The following MAPK8 variants were observed in gnomAD, a reference collection of about 807,000 sequenced individuals.
MAPK8 encodes mitogen-activated protein kinase 8, also known as JUN N-terminal kinase.
MAPK8 carries 13 observed loss-of-function variants against 52.9 expected under a neutral mutation model. That is an observed-to-expected ratio of 0.25 (90% CI 0.16 to 0.39). The LOEUF (loss-of-function observed/expected upper bound fraction) is 0.39. MAPK8 is among the 10% of genes least tolerant of loss of function. MAPK8 has a pLI of 1.00. For missense variants in MAPK8, 300 were observed against 519.2 expected (o/e 0.58, Z 4.10); for synonymous variants, 191 against 169.8 (o/e 1.12, Z -0.97).
At chr10:48,433,494 C>A (rs760310670) in intron 11 of MAPK8, among the ~76,000 whole-genome samples, 1 of 152,122 alleles carries the variant, frequency 6.6e-6, no homozygotes, top group Non-Finnish European at 1.5e-5. Context: ...TTCACTCTGA[C>A]TGGGAAGCTA....
At chr10:48,368,262 A>G (rs554560277) in intron 1 of MAPK8, among the ~76,000 whole-genome samples, 1 of 152,220 alleles carries the variant, frequency 6.6e-6, no homozygotes, top group Non-Finnish European at 1.5e-5. Flanking sequence ...AATGGGAAGC[A>G]CAGACATTTC....
chr10:48,385,072 T>C (rs535930753), intron 1 of MAPK8, among the ~76,000 whole-genome samples: 258 of 152,334 alleles, frequency 1.7e-3, no homozygotes, highest in Non-Finnish European at 2.9e-3. Context: ...ACATTGGTTA[T>C]TTATTGTCTA....
intron 1 of MAPK8, among the ~76,000 whole-genome samples, chr10:48,338,188 T>C: frequency 6.6e-6 from 1 of 152,046 alleles, no homozygotes; most frequent in East Asian, 1.9e-4. Context: ...CTGATGAAGA[T>C]AGAGGCAAAA....
chr10:48,323,727 G>A (rs1843208069), intron 1 of MAPK8, among the ~76,000 whole-genome samples: 1 of 152,054 alleles, frequency 6.6e-6, no homozygotes, highest in East Asian at 1.9e-4. Context: ...ATCTTTAATA[G>A]CCCCTTCTTC....
At chr10:48,340,582 A>G (rs1166836503) in intron 1 of MAPK8, among the ~76,000 whole-genome samples, 4 of 152,210 alleles carry the variant, frequency 2.6e-5, no homozygotes, top group African/African-American at 7.2e-5. Flanking sequence ...TATAATTTTC[A>G]CTATAAAACA....
At chr10:48,385,768 G>T (rs2041276349) in intron 1 of MAPK8, among the ~76,000 whole-genome samples, 2 of 152,004 alleles carry the variant, frequency 1.3e-5, no homozygotes, top group South Asian at 4.1e-4. Flanking sequence ...CTTCAACTTA[G>T]ATTTGTCATA....
chr10:48,424,228 G>T, intron 7 of MAPK8, 69 bp downstream of exon 7: 10 of 1,352,052 alleles, frequency 7.4e-6, no homozygotes, highest in Non-Finnish European at 9.5e-6. Context: ...TAATGAAAAT[G>T]AATATGCTAC....
chr10:48,421,737 G>GCC (rs2043368089), intron 6 of MAPK8, among the ~76,000 whole-genome samples: 1 of 152,074 alleles, frequency 6.6e-6, no homozygotes, highest in African/African-American at 2.4e-5. Flanking sequence ...CCGGGAGGTG[G>GCC]AGGTTACAGT....
intron 1 of MAPK8, among the ~76,000 whole-genome samples, chr10:48,370,028 T>A (rs1303080121): frequency 6.6e-6 from 1 of 152,182 alleles, no homozygotes; most frequent in Non-Finnish European, 1.5e-5. Context: ...AAGGTTTTTA[T>A]GTATTTTTTA....
chr10:48,434,774 CT>C (rs2044707353), intron 11 of MAPK8, 109 bp from the exon 12 acceptor site: 1 of 905,556 alleles, frequency 1.1e-6, no homozygotes, highest in Non-Finnish European at 1.6e-6. Context: ...TTTAGTGAGC[CT>C]TCGAAACCCA....
rs1194010317 is a variant in MAPK8 at position 48,306,804 on chromosome 10, C to G, written c.-67C>G. On this transcript the variant is annotated 5_prime_UTR_variant, in exon 1 of 12. Coordinates refer to ENST00000374189, the MANE Select transcript of MAPK8 (RefSeq NM_001323329.2). ...CCCCGCTGGCGGGCTTCCCTGTCGC[C>G]GTTCGCTGCGCTGCCGGGTGAGTGC... The G allele has an allele frequency of 6.6e-6, 1 of 151,496 alleles. No homozygotes were observed. The allele number at this position is 151,496 out of a possible 1,614,324, so 9.4% of individuals were successfully genotyped here. A position where few individuals can be genotyped will look rare whatever the true frequency, so the allele number is the denominator to read the frequency against.
intron 10 of MAPK8, 173 bp from the exon 11 acceptor site, chr10:48,431,020 A>G: frequency 1.6e-6 from 1 of 636,842 alleles, no homozygotes; most frequent in Non-Finnish European, 2.8e-6. Flanking sequence ...AGTGTCAAGG[A>G]ATTGTTATTA....
intron 1 of MAPK8, among the ~76,000 whole-genome samples, chr10:48,311,285 C>T (rs1841962424): frequency 6.6e-6 from 1 of 152,182 alleles, no homozygotes; most frequent in South Asian, 2.1e-4. Context: ...CATTCTAATT[C>T]TCCAGAATAT....
At chr10:48,408,603 T>C (rs763839141) in intron 3 of MAPK8, among the ~76,000 whole-genome samples, 5 of 152,348 alleles carry the variant, frequency 3.3e-5, no homozygotes, top group South Asian at 4.1e-4. Flanking sequence ...TTTCAGAATA[T>C]ATTTGTTGGC....
chr10:48,399,569 G>A (rs1173480850), intron 1 of MAPK8, among the ~76,000 whole-genome samples: 2 of 152,194 alleles, frequency 1.3e-5, no homozygotes, highest in Non-Finnish European at 2.9e-5. Flanking sequence ...ACAGAAAGGA[G>A]CTTTTCCTTG....
chr10:48,423,645 AATT>A (rs2043496308), intron 6 of MAPK8, among the ~76,000 whole-genome samples: 1 of 152,156 alleles, frequency 6.6e-6, no homozygotes, highest in African/African-American at 2.4e-5. Flanking sequence ...TAATATGCTG[AATT>A]ATTTTCTCAT....
At chr10:48,378,827 A>G (rs995245704) in intron 1 of MAPK8, among the ~76,000 whole-genome samples, 6 of 152,226 alleles carry the variant, frequency 3.9e-5, no homozygotes, top group South Asian at 4.1e-4. Flanking sequence ...GTGCAGTGGC[A>G]TGATTATAGC....
chr10:48,359,033 A>G (rs1847276387), intron 1 of MAPK8, among the ~76,000 whole-genome samples: 1 of 152,144 alleles, frequency 6.6e-6, no homozygotes, highest in African/African-American at 2.4e-5. Context: ...GAAGTCAGAA[A>G]GTATGAGTCC....
chr10:48,335,740 T>C (rs1844623771), intron 1 of MAPK8, among the ~76,000 whole-genome samples: 1 of 152,222 alleles, frequency 6.6e-6, no homozygotes, highest in African/African-American at 2.4e-5. Flanking sequence ...TACTTCAGTA[T>C]ATAGCAACAG....
Sources: gnomAD v4.1 joint callset for allele counts (sites outside exome capture counted in the v4.1 genomes callset) on GRCh38, gnomAD v4.1.1 for gene constraint, MANE v1.5 for transcripts, NCBI Gene and HGNC (gene_info 2026-07-23, HGNC 2026-07-21) for gene names.